Variants in ZFHX3 observed in about 807,000 individuals in gnomAD.
ZFHX3 encodes the protein zinc finger homeobox protein 3.
Under a neutral mutation model 279.1 loss-of-function variants are expected in ZFHX3, and 42 were observed. The ratio of observed to expected loss-of-function variants is 0.15; its 90% CI spans 0.12 to 0.19. The LOEUF (loss-of-function observed/expected upper bound fraction) is 0.19, where lower values mean the gene tolerates loss of function less well. ZFHX3 is among the 10% of genes least tolerant of loss of function. The probability of loss-of-function intolerance (pLI) is 1.00; values close to 1 mark genes in which losing one functional copy is unlikely to be tolerated. For synonymous variants in ZFHX3, 2,293 were observed against 1,957.8 expected, an observed-to-expected ratio of 1.17 and a Z score of -4.52; for missense variants, 4,981 against 4,754.0, an observed-to-expected ratio of 1.05 and a Z score of -1.40.
At position 73,430,610 on chromosome 16, in the gene ZFHX3, T is replaced by C. The variant is rs78172415; in HGVS notation, c.-1291+25393A>G. Among the ~76,000 whole-genome samples, 641 of 152,282 alleles carry C rather than the reference T, an allele frequency of 4.2e-3. 7 individuals carry two copies. Among genetic ancestry groups the C allele is most frequent in the African/African-American group, 0.014 (602 of 41,556 alleles). ...ATAACAGGAGTAGGAACAAGAAGCA[T>C]TGGGTTGGAGCCCTGGCTCTTCTGC... On this transcript the variant is annotated intron_variant, in intron 3 of 17. Transcript: ENST00000641206.
At chr16:73,615,989 G>A (rs951720202) in intron 2 of ZFHX3, among the ~76,000 whole-genome samples, 5 of 152,126 alleles carry the variant, frequency 3.3e-5, no homozygotes, top group Non-Finnish European at 5.9e-5. Flanking sequence ...GGACGGTTCA[G>A]GGGAGACATA....
intron 4 of ZFHX3, among the ~76,000 whole-genome samples, chr16:73,262,115 C>G (rs1336568172): frequency 6.6e-6 from 1 of 152,142 alleles, no homozygotes. Context: ...GCTACTGTGA[C>G]TATTAATAAT....
At chr16:73,723,417 T>C (rs752531632) in intron 1 of ZFHX3, among the ~76,000 whole-genome samples, 22 of 152,206 alleles carry the variant, frequency 1.4e-4, no homozygotes, top group Non-Finnish European at 1.3e-4. Context: ...AGTTATGCCA[T>C]AAAATTTAAT....
At chr16:73,671,610 T>C (rs1016273102) in intron 2 of ZFHX3, among the ~76,000 whole-genome samples, 1 of 152,222 alleles carries the variant, frequency 6.6e-6, no homozygotes, top group Non-Finnish European at 1.5e-5. Flanking sequence ...TAAATACATG[T>C]ACATGGGAGC....
At chr16:73,832,028 G>A (rs1597135000) in intron 1 of ZFHX3, among the ~76,000 whole-genome samples, 2 of 152,078 alleles carry the variant, frequency 1.3e-5, no homozygotes, top group African/African-American at 2.4e-5. Context: ...AGCCTCCCGA[G>A]TAGCTGGGAT....
intron 4 of ZFHX3, among the ~76,000 whole-genome samples, chr16:73,299,996 T>C (rs1318095835): frequency 6.6e-6 from 1 of 152,216 alleles, no homozygotes; most frequent in Non-Finnish European, 1.5e-5. Flanking sequence ...GATAGTACCA[T>C]GAATTGCTTT....
intron 1 of ZFHX3, among the ~76,000 whole-genome samples, chr16:73,734,008 T>G (rs1597087310): frequency 6.6e-6 from 1 of 152,176 alleles, no homozygotes; most frequent in Non-Finnish European, 1.5e-5. Context: ...GGGGAAGGTT[T>G]CGGTATGAAA....
intron 2 of ZFHX3, among the ~76,000 whole-genome samples, chr16:73,552,613 C>T (rs2020218444): frequency 6.6e-6 from 1 of 152,096 alleles, no homozygotes; most frequent in Non-Finnish European, 1.5e-5. Flanking sequence ...GGGATGGGTT[C>T]TATACAACCA....
intron 2 of ZFHX3, among the ~76,000 whole-genome samples, chr16:73,530,100 C>T (rs1185737729): frequency 2.6e-5 from 4 of 152,146 alleles, no homozygotes; most frequent in Non-Finnish European, 5.9e-5. Flanking sequence ...TCTCACAGTT[C>T]CACGTGGCTG....
Position 73,086,303 on chromosome 16 carries a change from T to C in ZFHX3, c.-533+6932A>G, listed in dbSNP as rs142661002. On this transcript the variant is annotated intron_variant, in intron 8 of 17. Transcript: ENST00000641206. ...TACAGCCTCTATGGAAAAGTGGAGG[T>C]TCCTCAAAAGTCTAAAAATAGAACT... 2.0e-4 allele frequency among the ~76,000 whole-genome samples: 30 copies of C among 152,120 alleles called. 1 individual carries two copies. The highest frequency in any genetic ancestry group is 6.7e-4 in the African/African-American group (28 of 41,494).
At chr16:73,444,272 G>C (rs2018144151) in intron 3 of ZFHX3, among the ~76,000 whole-genome samples, 2 of 152,184 alleles carry the variant, frequency 1.3e-5, no homozygotes, top group African/African-American at 2.4e-5. Flanking sequence ...CTGATCCCTT[G>C]GGTGGGACTT....
At chr16:73,212,592 G>A (rs916508091) in intron 5 of ZFHX3, among the ~76,000 whole-genome samples, 6 of 152,336 alleles carry the variant, frequency 3.9e-5, no homozygotes, top group Middle Eastern at 6.8e-3. Context: ...ATGGTCACAC[G>A]TGTGTGGAGA....
chr16:72,903,612 C>A (rs2039094824), intron 3 of ZFHX3, among the ~76,000 whole-genome samples: 1 of 152,132 alleles, frequency 6.6e-6, no homozygotes, highest in Admixed American at 6.5e-5. Context: ...CCCATCTGCT[C>A]CAGAATGCAA....
chr16:73,589,591 ATGG>A (rs954075029), intron 2 of ZFHX3, among the ~76,000 whole-genome samples: 5 of 149,552 alleles, frequency 3.3e-5, no homozygotes, highest in Non-Finnish European at 7.4e-5. Flanking sequence ...TTAGCTGGGC[ATGG>A]TGGTGGGTGC....
At chr16:73,004,479 C>T (rs1435226995) in intron 1 of ZFHX3, among the ~76,000 whole-genome samples, 1 of 151,440 alleles carries the variant, frequency 6.6e-6, no homozygotes, top group African/African-American at 2.4e-5. Flanking sequence ...CAGATGCCCA[C>T]CATCACGCCC....
intron 6 of ZFHX3, among the ~76,000 whole-genome samples, chr16:73,135,657 A>AT (rs146389574): frequency 0.037 from 5,690 of 152,242 alleles, 358 homozygotes; most frequent in African/African-American, 0.13. Flanking sequence ...TTCGAATCAA[A>AT]TTGATTGCCA....
intron 3 of ZFHX3, among the ~76,000 whole-genome samples, chr16:73,375,340 T>A (rs548305828): frequency 2.0e-4 from 30 of 152,234 alleles, no homozygotes; most frequent in Non-Finnish European, 3.2e-4. Flanking sequence ...CAAAATGTTC[T>A]GGCCTCATCT....
intron 2 of ZFHX3, among the ~76,000 whole-genome samples, chr16:73,589,963 T>C (rs555887058): frequency 6.6e-6 from 1 of 152,164 alleles, no homozygotes; most frequent in African/African-American, 2.4e-5. Flanking sequence ...TGACAGTACA[T>C]CTAAATGGAA....
intron 4 of ZFHX3, among the ~76,000 whole-genome samples, chr16:73,316,845 G>A (rs2015460382): frequency 6.6e-6 from 1 of 152,196 alleles, no homozygotes. Context: ...GAAAGAAATT[G>A]TCATTTCTCA....
Sources: gnomAD v4.1 joint callset for allele counts (sites outside exome capture counted in the v4.1 genomes callset) on GRCh38, gnomAD v4.1.1 for gene constraint, MANE v1.5 for transcripts, NCBI Gene and HGNC (gene_info 2026-07-23, HGNC 2026-07-21) for gene names.